Variants in CSMD3 observed in about 807,000 individuals in gnomAD.
CSMD3 encodes the protein CUB and sushi domain-containing protein 3.
CSMD3 carries 177 observed loss-of-function variants against 435.2 expected under a neutral mutation model. The observed-to-expected ratio is 0.41, with a 90% confidence interval of 0.36 to 0.46. The LOEUF is 0.46. Ranked by LOEUF, CSMD3 falls within the 20% of genes least tolerant of loss-of-function variation. CSMD3 has a pLI of 0.34. For missense variants in CSMD3, 4,265 were observed against 4,504.6 expected (o/e 0.95, Z 1.52); for synonymous variants, 1,656 against 1,520.5 (o/e 1.09, Z -2.07).
intron 35 of CSMD3, among the ~76,000 whole-genome samples, chr8:112,392,988 A>G (rs934987819): frequency 2.0e-5 from 3 of 150,126 alleles, no homozygotes; most frequent in Non-Finnish European, 3.0e-5. Flanking sequence ...ACCTCAGCCT[A>G]CAGAGTAGCT....
At chr8:113,179,802 C>T (rs2131922357) in intron 3 of CSMD3, among the ~76,000 whole-genome samples, 1 of 151,578 alleles carries the variant, frequency 6.6e-6, no homozygotes, top group Admixed American at 6.6e-5. Context: ...TGAAATAAAA[C>T]TCTACCAAGA....
chr8:113,342,805 A>G (rs1190272094), intron 1 of CSMD3, among the ~76,000 whole-genome samples: 1 of 152,034 alleles, frequency 6.6e-6, no homozygotes, highest in Non-Finnish European at 1.5e-5. Context: ...TTCTAAGTCA[A>G]GAATTAGCAC....
chr8:112,422,472 C>A (rs1378236997), intron 32 of CSMD3, among the ~76,000 whole-genome samples: 1 of 152,110 alleles, frequency 6.6e-6, no homozygotes, highest in Non-Finnish European at 1.5e-5. Context: ...ACAATTGTTA[C>A]AAAGTAAAAC....
rs2075929541 is a variant in CSMD3 at position 112,682,736 on chromosome 8, T to A, written c.2483-100A>T. The stretch of plus-strand genomic sequence containing the variant: ...AAAGAGAGAGAGAGAAAGAGATATT[T>A]TAAAAGGTTGTGTTTATTTCTACAC... On this transcript the variant is annotated intron_variant, in intron 15 of 70. Coordinates refer to ENST00000297405, the MANE Select transcript of CSMD3 (RefSeq NM_198123.2). 11 of 874,764 alleles carry A rather than the reference T, an allele frequency of 1.3e-5. No homozygotes were observed. The South Asian group carries it at 1.5e-4, about 12-fold the overall frequency. The allele number at this position is 874,764 out of a possible 1,614,324, so 54.2% of individuals were successfully genotyped here. A position where few individuals can be genotyped will look rare whatever the true frequency, so the allele number is the denominator to read the frequency against.
chr8:112,223,123 T>G lies in CSMD3; in HGVS notation c.*1648A>C, dbSNP rs1055109398. The G allele has an allele frequency of 3.0e-5, 12 of 398,274 alleles. No individual in the cohort carries two copies. Among genetic ancestry groups the G allele is most frequent in the African/African-American group, 4.1e-5 (2 of 48,614 alleles). The allele number at this position is 398,274 out of a possible 1,614,324, so 24.7% of individuals were successfully genotyped here. ...ATGTATTAGCCTTAACATTAATGAA[T>G]GAATCATTGTTATTGCAGTCATTTG... On this transcript the variant is annotated 3_prime_UTR_variant, in exon 71 of 71. Coordinates refer to ENST00000297405, the MANE Select transcript of CSMD3 (RefSeq NM_198123.2).
chr8:113,187,225 T>A (rs1281179350), intron 3 of CSMD3, among the ~76,000 whole-genome samples: 1 of 151,508 alleles, frequency 6.6e-6, no homozygotes, highest in Non-Finnish European at 1.5e-5. Context: ...GTGTCTGCAT[T>A]CCTAATCCTT....
At chr8:113,124,590 T>C (rs900644255) in intron 4 of CSMD3, among the ~76,000 whole-genome samples, 3 of 151,976 alleles carry the variant, frequency 2.0e-5, no homozygotes, top group African/African-American at 7.2e-5. Context: ...GGCTATTTTA[T>C]TTTTGGTGAT....
chr8:112,637,041 G>A (rs1390572282), intron 21 of CSMD3, 36 bp from the exon 22 acceptor site: 1 of 1,523,138 alleles, frequency 6.6e-7, no homozygotes, highest in South Asian at 1.1e-5. Flanking sequence ...CCGCGGGGGA[G>A]GAAAGGACAA....
chr8:112,995,318 C>T (rs981706069), intron 6 of CSMD3, among the ~76,000 whole-genome samples: 9 of 151,386 alleles, frequency 5.9e-5, no homozygotes, highest in South Asian at 2.1e-4. Context: ...CAGAAAATGA[C>T]GGCACATTTA....
intron 10 of CSMD3, among the ~76,000 whole-genome samples, chr8:112,878,230 A>C (rs926786746): frequency 6.6e-6 from 1 of 152,210 alleles, no homozygotes. Flanking sequence ...AGAAAAAACA[A>C]ACAACCTCAT....
intron 24 of CSMD3, among the ~76,000 whole-genome samples, chr8:112,567,681 T>C (rs988407643): frequency 6.6e-6 from 1 of 152,100 alleles, no homozygotes. Flanking sequence ...AAATGTGTGT[T>C]GAGAGGTTGA....
At chr8:112,959,496 A>G (rs965043872) in intron 7 of CSMD3, among the ~76,000 whole-genome samples, 1 of 151,944 alleles carries the variant, frequency 6.6e-6, no homozygotes, top group Non-Finnish European at 1.5e-5. Context: ...GTTCTTATGA[A>G]CAAGTAACTA....
chr8:112,647,520 A>G (rs551878567), intron 19 of CSMD3, among the ~76,000 whole-genome samples: 1 of 151,982 alleles, frequency 6.6e-6, no homozygotes, highest in Admixed American at 6.6e-5. Context: ...GTTAGCCAGG[A>G]TGGTCTCGAT....
In CSMD3 at chr8:113,412,565, A is replaced by G. The variant is rs554388055; in HGVS notation, c.178+24112T>C. Among the ~76,000 whole-genome samples, 3 of 152,244 alleles carry G rather than the reference A, an allele frequency of 2.0e-5. No homozygotes were observed. The South Asian group carries it at 6.2e-4, about 32-fold the overall frequency. Reference sequence around the variant, plus strand: ...GTAAGCCAATGAATGATAAAAGATGATATATCAACTTCATGTTGAAATATA... The same window carrying G: ...GTAAGCCAATGAATGATAAAAGATGGTATATCAACTTCATGTTGAAATATA... On this transcript the variant is annotated intron_variant, in intron 1 of 70. Coordinates refer to ENST00000297405, the MANE Select transcript of CSMD3 (RefSeq NM_198123.2).
At chr8:112,744,959 G>A (rs1360321683) in intron 13 of CSMD3, among the ~76,000 whole-genome samples, 1 of 152,074 alleles carries the variant, frequency 6.6e-6, no homozygotes, top group Admixed American at 6.6e-5. Context: ...AAATGACTTG[G>A]TCACATATCT....
At chr8:112,952,918 A>C (rs2083877137) in intron 8 of CSMD3, among the ~76,000 whole-genome samples, 1 of 151,204 alleles carries the variant, frequency 6.6e-6, no homozygotes, top group South Asian at 2.1e-4. Context: ...CTTTTTGTTC[A>C]CCTTCACAAC....
intron 27 of CSMD3, among the ~76,000 whole-genome samples, chr8:112,532,681 A>G (rs1189516674): frequency 2.0e-5 from 3 of 152,160 alleles, no homozygotes; most frequent in African/African-American, 7.2e-5. Flanking sequence ...TAACTGTTTT[A>G]CAAGAAATGC....
At chr8:112,407,852 G>A (rs1831995175) in intron 34 of CSMD3, among the ~76,000 whole-genome samples, 1 of 151,942 alleles carries the variant, frequency 6.6e-6, no homozygotes. Context: ...TTGCACAAAA[G>A]TCCTAATAAC....
At chr8:112,919,231 T>C (rs1000745548) in intron 10 of CSMD3, among the ~76,000 whole-genome samples, 2 of 151,914 alleles carry the variant, frequency 1.3e-5, no homozygotes, top group African/African-American at 4.8e-5. Context: ...TGAATACATA[T>C]GTTATATATA....
Sources: gnomAD v4.1 joint callset for allele counts (sites outside exome capture counted in the v4.1 genomes callset) on GRCh38, gnomAD v4.1.1 for gene constraint, MANE v1.5 for transcripts, NCBI Gene and HGNC (gene_info 2026-07-23, HGNC 2026-07-21) for gene names.